Variants in NTM observed in about 807,000 individuals in gnomAD.
The protein encoded by NTM is IgLON family member 2.
Under a neutral mutation model 42.1 loss-of-function variants are expected in NTM, and 13 were observed. The ratio of observed to expected loss-of-function variants is 0.31; its 90% CI spans 0.20 to 0.49. The LOEUF (loss-of-function observed/expected upper bound fraction) is 0.49. Among genes scored for constraint, NTM ranks in the 20% least tolerant of loss-of-function variants. The probability of loss-of-function intolerance (pLI) is 0.99; values close to 1 mark genes in which losing one functional copy is unlikely to be tolerated. For synonymous variants in NTM, 187 were observed against 179.2 expected (o/e 1.04, Z -0.35); for missense variants, 373 against 452.8 (o/e 0.82, Z 1.60).
At chr11:131,621,843 A>AAG (rs71883638) in intron 1 of NTM, among the ~76,000 whole-genome samples, 1 of 149,822 alleles carries the variant, frequency 6.7e-6, no homozygotes, top group Non-Finnish European at 1.5e-5. Context: ...AAAAAAAAAA[A>AAG]GGAAGCTACA....
chr11:131,462,026 G>A (rs1330802491), intron 1 of NTM, among the ~76,000 whole-genome samples: 1 of 151,654 alleles, frequency 6.6e-6, no homozygotes, highest in African/African-American at 2.4e-5. Flanking sequence ...CAACCCAAAT[G>A]TCTCTCAACT....
chr11:131,504,767 T>C (rs557949253), intron 1 of NTM, among the ~76,000 whole-genome samples: 1 of 152,080 alleles, frequency 6.6e-6, no homozygotes, highest in Non-Finnish European at 1.5e-5. Context: ...TATTGATTGA[T>C]CTGTAAATTT....
chr11:132,072,098 T>C (rs2057758036), intron 2 of NTM, among the ~76,000 whole-genome samples: 1 of 152,188 alleles, frequency 6.6e-6, no homozygotes, highest in African/African-American at 2.4e-5. Flanking sequence ...AATGACTCGA[T>C]AGAGGAAGTG....
intron 2 of NTM, among the ~76,000 whole-genome samples, chr11:131,968,654 T>C (rs2063144238): frequency 6.6e-6 from 1 of 152,210 alleles, no homozygotes; most frequent in Non-Finnish European, 1.5e-5. Flanking sequence ...CCTCATGTGC[T>C]GTAGTAAAAG....
At chr11:132,079,619 T>G (rs562978946) in intron 2 of NTM, among the ~76,000 whole-genome samples, 1 of 152,332 alleles carries the variant, frequency 6.6e-6, no homozygotes, top group African/African-American at 2.4e-5. Flanking sequence ...ATGCCCATTT[T>G]TTCTAAAATA....
chr11:131,574,944 A>C (rs1052295848), intron 1 of NTM, among the ~76,000 whole-genome samples: 4 of 152,084 alleles, frequency 2.6e-5, no homozygotes, highest in Non-Finnish European at 4.4e-5. Flanking sequence ...CTCTCCAAAA[A>C]ACCCCCTACT....
At chr11:131,484,806 T>C (rs1953982863) in intron 1 of NTM, among the ~76,000 whole-genome samples, 1 of 152,194 alleles carries the variant, frequency 6.6e-6, no homozygotes, top group African/African-American at 2.4e-5. Flanking sequence ...ATCTTCTATG[T>C]TGCAGACAGT....
chr11:131,637,065 A>C (rs1456168248), intron 1 of NTM, among the ~76,000 whole-genome samples: 1 of 152,052 alleles, frequency 6.6e-6, no homozygotes, highest in Non-Finnish European at 1.5e-5. Context: ...TCTAAATGAA[A>C]CATCTGCTTC....
intron 1 of NTM, among the ~76,000 whole-genome samples, chr11:131,853,342 A>G (rs7114790): frequency 0.12 from 18,739 of 152,122 alleles, 1,317 homozygotes; most frequent in African/African-American, 0.17. Context: ...CCCATCACCC[A>G]GGTATTAACC....
At chr11:131,806,118 T>C (rs548266425) in intron 1 of NTM, among the ~76,000 whole-genome samples, 14 of 152,336 alleles carry the variant, frequency 9.2e-5, no homozygotes, top group Admixed American at 8.5e-4. Context: ...CTTGACAACA[T>C]TTTTTTAAAA....
At chr11:132,320,007 G>T (rs2095524237) in intron 7 of NTM, among the ~76,000 whole-genome samples, 1 of 152,176 alleles carries the variant, frequency 6.6e-6, no homozygotes, top group Non-Finnish European at 1.5e-5. Flanking sequence ...GGCAAACAGG[G>T]TCTGGAGTGG....
intron 2 of NTM, among the ~76,000 whole-genome samples, chr11:132,069,232 T>C (rs1303183410): frequency 3.2e-4 from 34 of 106,720 alleles, no homozygotes; most frequent in African/African-American, 8.4e-4. Context: ...AACACGTCAC[T>C]CAGCCAAGTT....
rs2068316427 is a variant in NTM, at chr11:132,138,162, C to T, written c.168-8120C>T. Among the ~76,000 whole-genome samples the T allele has an allele frequency of 2.0e-5, 3 of 152,138 alleles. No individual in the cohort carries two copies. The South Asian group carries it at 6.2e-4, about 32-fold the overall frequency. ...AATTGCCCTGAAAGCAAGCACGAGT[C>T]ATGTGTGAGGGTTCTTGGAGTAGAG... On this transcript the variant is annotated intron_variant, in intron 2 of 8. Transcript: ENST00000683400.
chr11:132,137,217 A>G (rs1427119374), intron 2 of NTM, among the ~76,000 whole-genome samples: 2 of 152,218 alleles, frequency 1.3e-5, no homozygotes, highest in African/African-American at 4.8e-5. Context: ...TGTGTCCCAT[A>G]GTATGGGGTG....
At chr11:131,612,050 A>G (rs753907427) in intron 1 of NTM, among the ~76,000 whole-genome samples, 2 of 152,200 alleles carry the variant, frequency 1.3e-5, no homozygotes, top group African/African-American at 2.4e-5. Flanking sequence ...CATAGACAGT[A>G]TTATCACATT....
intron 4 of NTM, among the ~76,000 whole-genome samples, chr11:132,221,958 C>T (rs1019749346): frequency 1.3e-5 from 2 of 152,158 alleles, no homozygotes; most frequent in African/African-American, 4.8e-5. Context: ...CTCTCTGGGA[C>T]ATGTCTATTC....
At chr11:131,590,622 TAAC>T (rs2059279670) in intron 1 of NTM, among the ~76,000 whole-genome samples, 1 of 152,204 alleles carries the variant, frequency 6.6e-6, no homozygotes, top group Non-Finnish European at 1.5e-5. Context: ...CAAGTTATTA[TAAC>T]AACAACATTC....
At chr11:132,275,716 A>G (rs1238956307) in intron 4 of NTM, among the ~76,000 whole-genome samples, 1 of 119,634 alleles carries the variant, frequency 8.4e-6, no homozygotes, top group East Asian at 2.2e-4. Flanking sequence ...ATATATATGT[A>G]TATATATACG....
At chr11:132,037,535 T>C (rs1239378326) in intron 2 of NTM, among the ~76,000 whole-genome samples, 1 of 152,194 alleles carries the variant, frequency 6.6e-6, no homozygotes, top group Non-Finnish European at 1.5e-5. Flanking sequence ...TGATTTAAGT[T>C]GACCTGCGAG....
Sources: gnomAD v4.1 joint callset for allele counts (sites outside exome capture counted in the v4.1 genomes callset) on GRCh38, gnomAD v4.1.1 for gene constraint, MANE v1.5 for transcripts, NCBI Gene and HGNC (gene_info 2026-07-23, HGNC 2026-07-21) for gene names.